The following CERS4 variants were observed in gnomAD, a reference collection of about 807,000 sequenced individuals.
CERS4 encodes ceramide synthase 4.
CERS4 carries 65 observed loss-of-function variants against 51.8 expected under a neutral mutation model. That is an observed-to-expected ratio of 1.26 (90% CI 1.03 to 1.54). The LOEUF is 1.54. Ranked by LOEUF, CERS4 falls within the 40% of genes most tolerant of loss-of-function variation. The probability of loss-of-function intolerance (pLI) is 0.00; values close to 1 mark genes in which losing one functional copy is unlikely to be tolerated. For synonymous variants in CERS4, 228 were observed against 208.4 expected, an observed-to-expected ratio of 1.09 and a Z score of -0.81; for missense variants, 563 against 500.4, an observed-to-expected ratio of 1.13 and a Z score of -1.19.
chr19:8,224,711 G>T (rs1967712374), intron 2 of CERS4, among the ~76,000 whole-genome samples: 1 of 152,214 alleles, frequency 6.6e-6, no homozygotes, highest in African/African-American at 2.4e-5. Context: ...AGACCTGGGT[G>T]CTGAGTGGGG....
At chr19:8,240,510 C>T (rs901912087) in intron 2 of CERS4, 1 of 152,108 alleles carries the variant, frequency 6.6e-6, no homozygotes, top group Non-Finnish European at 1.5e-5. Context: ...CCGCCTGAGC[C>T]TCTGGCCGCA....
intron 10 of CERS4, among the ~76,000 whole-genome samples, chr19:8,258,698 C>T (rs536088971): frequency 5.1e-4 from 77 of 152,220 alleles, no homozygotes; most frequent in African/African-American, 1.7e-3. Context: ...AAAAATTAGC[C>T]GGACGTGATG....
At chr19:8,249,587 ATTTTTTT>A (rs869119452) in intron 2 of CERS4, among the ~76,000 whole-genome samples, 10 of 91,380 alleles carry the variant, frequency 1.1e-4, no homozygotes, top group Non-Finnish European at 1.6e-4. Context: ...GGAACTCTGG[ATTTTTTT>A]TTTTTTTTTT....
Position 8,231,851 on chromosome 19 carries a change from A to ATTTTTTTTTTTTTTTTTTTT in CERS4, c.-1-19222_-1-19203dup, listed in dbSNP as rs3042169. Among the ~76,000 whole-genome samples the ATTTTTTTTTTTTTTTTTTTT allele has an allele frequency of 3.1e-4, 32 of 104,402 alleles. 1 individual carries two copies. Among genetic ancestry groups the ATTTTTTTTTTTTTTTTTTTT allele is most frequent in the Non-Finnish European group, 4.5e-4 (25 of 55,306 alleles). The allele number at this position is 104,402 out of a possible 152,430, so 68.5% of individuals were successfully genotyped here. Reference sequence around the variant, plus strand: ...ACAAGCATGAGGCACTGTGCCCAGCATTTTTTTTTTTTTTTTTTTTTTAGA... The same window carrying ATTTTTTTTTTTTTTTTTTTT: ...ACAAGCATGAGGCACTGTGCCCAGCATTTTTTTTTTTTTTTTTTTTTTTTTTTTTTTTTTTTTTTTTTAGA... On this transcript the variant is annotated intron_variant, in intron 2 of 11. Coordinates refer to ENST00000251363, the MANE Select transcript of CERS4 (RefSeq NM_024552.3).
intron 2 of CERS4, among the ~76,000 whole-genome samples, chr19:8,229,401 CTTCTTCTTTCTTCTTT>C (rs1170177842): frequency 2.1e-5 from 2 of 96,398 alleles, no homozygotes; most frequent in African/African-American, 9.0e-5. Flanking sequence ...CTTTTTTCTT[CTTCTTCTTTCTTCTTT>C]TTTCTTCTTC....
intron 10 of CERS4, among the ~76,000 whole-genome samples, 155 bp downstream of exon 10, chr19:8,258,140 C>T (rs961945914): frequency 1.3e-5 from 2 of 152,074 alleles, no homozygotes; most frequent in Non-Finnish European, 2.9e-5. Context: ...GCACAGGGCA[C>T]GGCATATGCA....
chr19:8,229,182 A>C (rs879479104), intron 2 of CERS4, among the ~76,000 whole-genome samples: 11 of 151,502 alleles, frequency 7.3e-5, no homozygotes, highest in Non-Finnish European at 1.3e-4. Context: ...AACAGTAGCT[A>C]GGCAAGGTAG....
Position 8,255,698 on chromosome 19 carries a change from A to C in CERS4, c.383A>C (p.Gln128Pro). 7 of 1,612,280 alleles carry C rather than the reference A, an allele frequency of 4.3e-6. No homozygotes were observed. The highest frequency in any genetic ancestry group is 5.9e-6 in the Non-Finnish European group (7 of 1,179,476). Residue 128 changes from glutamine to proline, a missense_variant, in exon 5 of 12, where the codon CAG (glutamine) becomes CCG (proline). Physicochemically the swap from Gln to Pro is moderately conservative, Grantham distance 76. Coordinates refer to ENST00000251363, the MANE Select transcript of CERS4 (RefSeq NM_024552.3). ...FRRRRNQDRP[Q>P]LTKKFCEASW... ...AGACGCCGGAACCAGGATCGACCCC[A>C]GCTGACCAAGAAGTTCTGTGAGGCC... is the stretch of plus-strand genomic sequence containing the variant.
chr19:8,224,499 C>T (rs958127077), intron 2 of CERS4, among the ~76,000 whole-genome samples: 4 of 151,728 alleles, frequency 2.6e-5, no homozygotes, highest in Non-Finnish European at 4.4e-5. Flanking sequence ...CCCAGCCCAG[C>T]GGCGATTGGT....
chr19:8,226,981 A>G (rs1200720405), intron 2 of CERS4, among the ~76,000 whole-genome samples: 1 of 151,914 alleles, frequency 6.6e-6, no homozygotes, highest in Non-Finnish European at 1.5e-5. Flanking sequence ...ATACAAAATC[A>G]ACTGGATGTG....
intron 4 of CERS4, among the ~76,000 whole-genome samples, chr19:8,254,915 C>G (rs573626022): frequency 7.2e-5 from 11 of 152,160 alleles, no homozygotes; most frequent in African/African-American, 2.4e-4. Flanking sequence ...GGGGCCCCTC[C>G]CCTCCCAGCC....
intron 8 of CERS4, 67 bp from the exon 9 acceptor site, chr19:8,256,882 G>C (rs1969415564): frequency 1.2e-6 from 2 of 1,610,910 alleles, no homozygotes; most frequent in Middle Eastern, 1.7e-4. Context: ...CCCACTTCTT[G>C]GCCCATAGGG....
At chr19:8,256,776 G>A in intron 8 of CERS4, 66 bp downstream of exon 8, 1 of 1,579,626 alleles carries the variant, frequency 6.3e-7, no homozygotes. Flanking sequence ...TGGGGGGTAG[G>A]GCAGCCTTAC....
rs376322955 is a variant in CERS4, at chr19:8,256,710, G to A, written c.612G>A (p.Lys204=). The change falls in exon 8 of 12, where the codon AAG becomes AAA. Residue 204 remains lysine (K), a splice_region_variant and synonymous_variant. Transcript: ENST00000251363. The part of the protein sequence containing the change: ...LIRLPFDVKR[K]DFKEQVIHHF... ...GGCTGCCCTTTGATGTCAAGCGCAAGGTGAGGCCAAATAAGAGTCTGGAAG... is the reference window on the plus strand; with the variant it reads ...GGCTGCCCTTTGATGTCAAGCGCAAAGTGAGGCCAAATAAGAGTCTGGAAG... 9 of 1,612,464 alleles carry A rather than the reference G, an allele frequency of 5.6e-6. No homozygotes were observed. Among genetic ancestry groups the A allele is most frequent in the Non-Finnish European group, 5.9e-6 (7 of 1,179,374 alleles).
Position 8,257,914 on chromosome 19 carries a change from AGT to A in CERS4, c.781_782del (p.Cys261ArgfsTer68). The A allele has an allele frequency of 6.2e-7, 1 of 1,613,836 alleles. No individual in the cohort carries two copies. Among genetic ancestry groups the A allele is most frequent in the Non-Finnish European group, 8.5e-7 (1 of 1,179,958 alleles). ...KMVNYMQYQQVCDALFLIFSF... is the reference protein window; with the variant it reads ...KMVNYMQYQQXCDALFLIFSF... ...TGGTCAACTACATGCAGTATCAGCA[AGT>A]GTGCGACGCTCTCTTCCTCATCTTC... On this transcript the variant is annotated frameshift_variant, in exon 10 of 12. Coordinates refer to ENST00000251363, the MANE Select transcript of CERS4 (RefSeq NM_024552.3). LOFTEE classifies it high-confidence loss of function.
intron 2 of CERS4, among the ~76,000 whole-genome samples, chr19:8,221,699 A>AT (rs1318616295): frequency 2.0e-5 from 3 of 147,932 alleles, no homozygotes; most frequent in Admixed American, 6.8e-5. Flanking sequence ...TGCCCAGCTA[A>AT]TTTTTTTGTA....
At chr19:8,241,168 C>G (rs1968523170) in intron 2 of CERS4, among the ~76,000 whole-genome samples, 1 of 152,142 alleles carries the variant, frequency 6.6e-6, no homozygotes, top group Admixed American at 6.6e-5. Flanking sequence ...TTCCAGCAGC[C>G]TTAGGCACCT....
intron 2 of CERS4, among the ~76,000 whole-genome samples, chr19:8,230,169 G>A (rs1255657085): frequency 6.6e-6 from 1 of 151,938 alleles, no homozygotes; most frequent in Non-Finnish European, 1.5e-5. Context: ...CCCATTGCAT[G>A]CAAGTTAGAC....
intron 2 of CERS4, among the ~76,000 whole-genome samples, chr19:8,238,178 G>A (rs1227109044): frequency 6.6e-6 from 1 of 151,872 alleles, no homozygotes; most frequent in Non-Finnish European, 1.5e-5. Flanking sequence ...GGGGGCCCCT[G>A]GAGATCTCAC....
Sources: gnomAD v4.1 joint callset for allele counts (sites outside exome capture counted in the v4.1 genomes callset) on GRCh38, gnomAD v4.1.1 for gene constraint, MANE v1.5 for transcripts, NCBI Gene and HGNC (gene_info 2026-07-23, HGNC 2026-07-21) for gene names.